SMARCA4: variants seen among roughly 807,000 people sequenced by gnomAD.
SMARCA4 encodes the protein SWI/SNF-related matrix-associated actin-dependent regulator of chromatin subfamily A member 4.
In SMARCA4, 31 loss-of-function variants were observed where a neutral mutation model predicts 193.9. The observed-to-expected ratio is 0.16, with a 90% CI of 0.12 to 0.22. The LOEUF is 0.22. Ranked by LOEUF, SMARCA4 falls within the 10% of genes least tolerant of loss-of-function variation. SMARCA4 has a pLI of 1.00. For missense variants in SMARCA4, 1,148 were observed against 2,296.0 expected, an observed-to-expected ratio of 0.50 and a Z score of 10.22; for synonymous variants, 942 against 933.1, an observed-to-expected ratio of 1.01 and a Z score of -0.17.
chr19:11,003,281 G>T (rs992926411), intron 12 of SMARCA4, 59 bp from the exon 13 acceptor site: 2 of 1,606,070 alleles, frequency 1.2e-6, no homozygotes, highest in Middle Eastern at 1.7e-4. Flanking sequence ...GTTTGGTAGG[G>T]AAAGTGAATT....
At chr19:11,035,513 C>A (rs2075215653) in intron 29 of SMARCA4, among the ~76,000 whole-genome samples, 1 of 152,216 alleles carries the variant, frequency 6.6e-6, no homozygotes, top group East Asian at 1.9e-4. Context: ...TATTGAGGCG[C>A]CCTGCAAAGC....
intron 1 of SMARCA4, among the ~76,000 whole-genome samples, chr19:10,979,738 T>C (rs1432337302): frequency 6.6e-6 from 1 of 151,442 alleles, no homozygotes; most frequent in African/African-American, 2.4e-5. Context: ...ATATGTATTA[T>C]AGACGTGACC....
chr19:10,991,050 C>T, intron 7 of SMARCA4, 100 bp from the exon 8 acceptor site: 1 of 1,563,244 alleles, frequency 6.4e-7, no homozygotes, highest in Non-Finnish European at 8.7e-7. Context: ...ACTTACAATG[C>T]TCCTTTAGCG....
At chr19:11,012,853 C>T in intron 15 of SMARCA4, 96 bp from the exon 16 acceptor site, 5 of 1,160,522 alleles carry the variant, frequency 4.3e-6, no homozygotes, top group Non-Finnish European at 6.5e-6. Flanking sequence ...TTAGGCAGAA[C>T]TCGTGGCTGG....
intron 34 of SMARCA4, 116 bp from the exon 35 acceptor site, chr19:11,061,668 G>T: frequency 9.8e-7 from 1 of 1,023,128 alleles, no homozygotes; most frequent in East Asian, 2.4e-5. Flanking sequence ...GAGCCACCGT[G>T]CCCGGCCCAC....
Position 10,985,193 on chromosome 19 carries a change from C to A in SMARCA4, c.223-80C>A. 1 of 1,498,998 alleles carries A rather than the reference C, an allele frequency of 6.7e-7. No homozygotes were observed. Among genetic ancestry groups the A allele is most frequent in the East Asian group, 2.3e-5 (1 of 44,316 alleles). 92.9% of individuals were successfully genotyped at this position (1,498,998 alleles called of 1,614,324 possible). ...GGTGGCTGTTCTCGGTGCCCTCGAGCTTCTCTCGGGCAGCGCATAGCTGCG... is the reference window on the plus strand; with the variant it reads ...GGTGGCTGTTCTCGGTGCCCTCGAGATTCTCTCGGGCAGCGCATAGCTGCG... On this transcript the variant is annotated intron_variant, in intron 2 of 34. Coordinates refer to ENST00000344626, the MANE Select transcript of SMARCA4 (RefSeq NM_003072.5). This position sits in a 1 kb window ranked among gnomAD's most constrained non-coding sequence, Gnocchi z 4.5.
At position 11,002,976 on chromosome 19, in the gene SMARCA4, G is replaced by A. The variant is rs1433635173; in HGVS notation, c.1813-53G>A. 1.9e-6 allele frequency: 3 copies of A among 1,611,058 alleles called. No individual in the cohort carries two copies. In the East Asian group the frequency reaches 6.7e-5, roughly 36 times the overall value. On this transcript the variant is annotated intron_variant, in intron 11 of 34. Transcript: ENST00000344626. ...GCTTCCCACCTTGGCCTCTGTAAGT[G>A]TTTGGTCTGGAGGCCCTGCAACCTC...
At chr19:11,012,895 C>T (rs1406361758) in intron 15 of SMARCA4, 54 bp from the exon 16 acceptor site, 15 of 1,586,062 alleles carry the variant, frequency 9.5e-6, no homozygotes, top group African/African-American at 2.7e-5. Context: ...TGGGAGGACC[C>T]TCTGGTGTCC....
In SMARCA4 at chr19:11,030,588, G is replaced by A. The variant is rs1415793559; in HGVS notation, c.3383-142G>A. On this transcript the variant is annotated intron_variant, in intron 24 of 34. Transcript: ENST00000344626. The surrounding 1 kb of genome is among the most constrained non-coding windows in gnomAD (Gnocchi z 5.5). ...TTATTCGCCAGTGGCCCACAGGCCC[G>A]TGTGGAGAGTGCGGAGCCAGGGATC... 11 of 743,800 alleles carry A rather than the reference G, an allele frequency of 1.5e-5. No homozygotes were observed. The highest frequency in any genetic ancestry group is 9.1e-5 in the South Asian group (6 of 65,700). 46.1% of individuals were successfully genotyped at this position (743,800 alleles called of 1,614,324 possible). A position where few individuals can be genotyped will look rare whatever the true frequency, so the allele number is the denominator to read the frequency against.
rs368838067 is a variant in SMARCA4 at position 10,966,355 on chromosome 19, C to T, written c.-32+5181C>T. 2.6e-4 allele frequency among the ~76,000 whole-genome samples: 40 copies of T among 152,180 alleles called. No homozygotes were observed. The East Asian group carries it at 4.1e-3, about 15-fold the overall frequency. Reference sequence around the variant, plus strand: ...CCTGTAATTCCCACACTTTGGGAGGCCCAGCAGGGCAAATCACTTGATCCC... The same window carrying T: ...CCTGTAATTCCCACACTTTGGGAGGTCCAGCAGGGCAAATCACTTGATCCC... On this transcript the variant is annotated intron_variant, in intron 1 of 34. Coordinates refer to ENST00000344626, the MANE Select transcript of SMARCA4 (RefSeq NM_003072.5).
At chr19:11,054,655 G>C (rs1207882761) in intron 30 of SMARCA4, among the ~76,000 whole-genome samples, 2 of 152,180 alleles carry the variant, frequency 1.3e-5, no homozygotes, top group Non-Finnish European at 2.9e-5. Flanking sequence ...AGCTAGGTGT[G>C]GTGGTGCACC....
chr19:11,045,161 A>C (rs1832088705), intron 30 of SMARCA4, among the ~76,000 whole-genome samples: 1 of 152,210 alleles, frequency 6.6e-6, no homozygotes, highest in Non-Finnish European at 1.5e-5. Flanking sequence ...TCTACTAAAA[A>C]TACAAAAAAT....
intron 30 of SMARCA4, among the ~76,000 whole-genome samples, chr19:11,055,916 G>A (rs1166779111): frequency 6.6e-6 from 1 of 152,208 alleles, no homozygotes; most frequent in African/African-American, 2.4e-5. Flanking sequence ...ATGGAAAATG[G>A]CAAAGCGCGC....
chr19:11,009,139 G>A (rs759263169), intron 14 of SMARCA4, among the ~76,000 whole-genome samples: 2 of 142,426 alleles, frequency 1.4e-5, no homozygotes, highest in African/African-American at 2.6e-5. Context: ...CTCTTGCCTC[G>A]GCCTCCTGAG....
chr19:11,042,658 G>A lies in SMARCA4; in HGVS notation c.4424+1098G>A, dbSNP rs1008783882. Among the ~76,000 whole-genome samples the A allele has an allele frequency of 2.0e-5, 3 of 152,216 alleles. No individual in the cohort carries two copies. The South Asian group carries it at 6.2e-4, about 32-fold the overall frequency. ...TACCAAGTGTGAAGTTTTAGAGGAT[G>A]GTAACAATTGGAGTGCCTAAATTAA... On this transcript the variant is annotated intron_variant, in intron 30 of 34. Transcript: ENST00000344626.
At chr19:10,983,039 A>G (rs2085691666) in intron 1 of SMARCA4, among the ~76,000 whole-genome samples, 1 of 152,244 alleles carries the variant, frequency 6.6e-6, no homozygotes, top group Non-Finnish European at 1.5e-5. Context: ...TTTAAAGACT[A>G]TTAAATGATA....
In SMARCA4 at chr19:10,986,687, G is replaced by T. The variant is rs1477243221; in HGVS notation, c.760+94G>T. ...CAGACCGTGCTCTGTTGCCGACTGG[G>T]TTCCCCGGTTTGGGATTGCACGGGC... On this transcript the variant is annotated intron_variant, in intron 4 of 34. Coordinates refer to ENST00000344626, the MANE Select transcript of SMARCA4 (RefSeq NM_003072.5). The surrounding 1 kb of genome is among the most constrained non-coding windows in gnomAD (Gnocchi z 6.7). 6.6e-7 allele frequency: 1 copy of T among 1,521,696 alleles called. No individual in the cohort carries two copies. Among genetic ancestry groups the T allele is most frequent in the African/African-American group, 1.4e-5 (1 of 72,726 alleles). The allele number at this position is 1,521,696 out of a possible 1,614,324, so 94.3% of individuals were successfully genotyped here.
chr19:11,039,384 A>G, intron 29 of SMARCA4: 2 of 806,768 alleles, frequency 2.5e-6, no homozygotes, highest in Non-Finnish European at 3.9e-6. Context: ...TAAATGCCCA[A>G]GAACAAGGGG....
chr19:11,006,391 A>G (rs1391275057), intron 13 of SMARCA4, among the ~76,000 whole-genome samples: 1 of 152,224 alleles, frequency 6.6e-6, no homozygotes, highest in Non-Finnish European at 1.5e-5. Flanking sequence ...GACATATTGT[A>G]GATGGTTGAG....
Sources: allele counts gnomAD v4.1 joint callset (sites outside exome capture counted in the v4.1 genomes callset), GRCh38; gene constraint gnomAD v4.1.1; non-coding constraint Gnocchi (gnomAD v3.1); transcripts MANE v1.5; gene names NCBI Gene and HGNC (gene_info 2026-07-23, HGNC 2026-07-21).